The following KCNH1 variants were observed in gnomAD, a reference collection of about 807,000 sequenced individuals.
KCNH1 encodes the protein potassium voltage-gated channel subfamily H member 1.
Under a neutral mutation model 69.2 loss-of-function variants are expected in KCNH1, and 27 were observed. The observed-to-expected ratio is 0.39, with a 90% CI of 0.29 to 0.54. The LOEUF is 0.54. KCNH1 is among the 20% of genes least tolerant of loss of function. KCNH1 has a pLI of 0.68. For synonymous variants in KCNH1, 456 were observed against 487.7 expected (o/e 0.93, Z 0.86); for missense variants, 798 against 1,261.6 (o/e 0.63, Z 5.57).
intron 6 of KCNH1, among the ~76,000 whole-genome samples, chr1:210,927,653 GA>G (rs1193216813): frequency 5.3e-5 from 8 of 151,172 alleles, no homozygotes; most frequent in Non-Finnish European, 1.0e-4. Context: ...GTAACACAAT[GA>G]AAAAAAAGAT....
chr1:210,918,196 G>A (rs1687386854), intron 7 of KCNH1, among the ~76,000 whole-genome samples: 1 of 152,172 alleles, frequency 6.6e-6, no homozygotes, highest in African/African-American at 2.4e-5. Context: ...TCACAAAGCG[G>A]GATGCTGAAT....
In KCNH1 at chr1:210,816,060, G is replaced by A. The variant is rs1223614170; in HGVS notation, c.1463-11894C>T. Among the ~76,000 whole-genome samples the A allele has an allele frequency of 3.9e-5, 6 of 152,218 alleles. No homozygotes were observed. The East Asian group carries it at 1.2e-3, about 29-fold the overall frequency. On this transcript the variant is annotated intron_variant, in intron 7 of 10. Transcript: ENST00000271751. ...TTGTTAATCAGACTCTGCAAGCGGC[G>A]AGCGATTAACCTGCATTTCGGTTAC...
chr1:211,085,408 AT>A (rs918811725), intron 4 of KCNH1, among the ~76,000 whole-genome samples: 4 of 152,028 alleles, frequency 2.6e-5, no homozygotes, highest in Non-Finnish European at 5.9e-5. Flanking sequence ...AGGACTTTAA[AT>A]TTGGTGAGGA....
chr1:210,762,672 G>C (rs1301481131), intron 10 of KCNH1, among the ~76,000 whole-genome samples: 1 of 151,978 alleles, frequency 6.6e-6, no homozygotes, highest in Admixed American at 6.5e-5. Flanking sequence ...GATTGAATCA[G>C]GAAGAAAAAG....
chr1:211,067,515 C>A (rs2102454617), intron 5 of KCNH1, among the ~76,000 whole-genome samples: 1 of 152,332 alleles, frequency 6.6e-6, no homozygotes, highest in African/African-American at 2.4e-5. Flanking sequence ...CCTGATACTA[C>A]CCCTGCCCAG....
chr1:210,763,662 A>G (rs1002625043), intron 10 of KCNH1, among the ~76,000 whole-genome samples: 1 of 152,142 alleles, frequency 6.6e-6, no homozygotes, highest in African/African-American at 2.4e-5. Context: ...CTAACCAAGC[A>G]AGTAAAAGAC....
Position 210,820,363 on chromosome 1 carries a change from C to T in KCNH1, c.1463-16197G>A, listed in dbSNP as rs117119149. On this transcript the variant is annotated intron_variant, in intron 7 of 10. Transcript: ENST00000271751. ...GTAGAAGGAACTTTGTGGCCGGGTG[C>T]GGTGGGTCATGTCTGTAATCCCAGC... Among the ~76,000 whole-genome samples, 199 of 152,136 alleles carry T rather than the reference C, an allele frequency of 1.3e-3. 1 individual carries two copies. The East Asian group carries it at 0.018, about 14-fold the overall frequency.
chr1:210,755,269 G>C (rs1479828899), intron 10 of KCNH1, among the ~76,000 whole-genome samples: 2 of 152,194 alleles, frequency 1.3e-5, no homozygotes, highest in Admixed American at 6.5e-5. Flanking sequence ...TACTTATAGA[G>C]AGAATCCAAG....
intron 5 of KCNH1, among the ~76,000 whole-genome samples, chr1:211,031,036 C>A (rs181911875): frequency 1.3e-5 from 2 of 151,930 alleles, no homozygotes; most frequent in African/African-American, 4.8e-5. Context: ...AGCTACACTG[C>A]GATATTACTA....
chr1:210,702,514 T>C (rs1681807054), intron 10 of KCNH1, among the ~76,000 whole-genome samples: 1 of 152,226 alleles, frequency 6.6e-6, no homozygotes, highest in African/African-American at 2.4e-5. Flanking sequence ...TCAAAAGCTC[T>C]TTGCTTCTTT....
chr1:211,054,148 G>A (rs1690260715), intron 5 of KCNH1, among the ~76,000 whole-genome samples: 1 of 151,922 alleles, frequency 6.6e-6, no homozygotes, highest in Admixed American at 6.6e-5. Context: ...TGGGCGTGGT[G>A]GTGCATACCT....
intron 6 of KCNH1, among the ~76,000 whole-genome samples, chr1:211,018,137 C>G (rs971384793): frequency 6.6e-6 from 1 of 152,130 alleles, no homozygotes; most frequent in African/African-American, 2.4e-5. Context: ...CTAAATCTTC[C>G]AGCCATCAGA....
At chr1:210,817,152 A>C (rs1386961772) in intron 7 of KCNH1, among the ~76,000 whole-genome samples, 1 of 152,136 alleles carries the variant, frequency 6.6e-6, no homozygotes, top group African/African-American at 2.4e-5. Context: ...CCTCCAAAAT[A>C]ATAATTACCC....
chr1:211,097,015 C>T (rs1443550575), intron 3 of KCNH1, among the ~76,000 whole-genome samples: 2 of 152,158 alleles, frequency 1.3e-5, no homozygotes, highest in Non-Finnish European at 2.9e-5. Flanking sequence ...ATTCCCATTT[C>T]AAATGTGGGG....
chr1:211,063,628 C>T (rs2102451698), intron 5 of KCNH1: 1 of 152,238 alleles, frequency 6.6e-6, no homozygotes, highest in South Asian at 2.1e-4. Context: ...GTAGTTCTGG[C>T]TACTCAGGAG....
intron 7 of KCNH1, among the ~76,000 whole-genome samples, chr1:210,908,807 T>A (rs893307053): frequency 2.0e-5 from 3 of 152,132 alleles, no homozygotes; most frequent in Admixed American, 2.0e-4. Flanking sequence ...CAGTTCTGTT[T>A]CCCATCTCTT....
intron 5 of KCNH1, among the ~76,000 whole-genome samples, chr1:211,039,748 C>A (rs986401239): frequency 2.6e-5 from 4 of 152,198 alleles, no homozygotes; most frequent in Non-Finnish European, 5.9e-5. Flanking sequence ...CCATTTGGAA[C>A]AGCTGCATTT....
intron 7 of KCNH1, among the ~76,000 whole-genome samples, chr1:210,896,289 G>A (rs530129748): frequency 5.9e-5 from 9 of 151,650 alleles, no homozygotes; most frequent in Admixed American, 2.6e-4. Context: ...ATCAATGTAC[G>A]GGATCTTTAA....
rs1005516555 is a variant in KCNH1, at chr1:210,774,394, T to G, written c.2112+954A>C. Reference sequence around the variant, plus strand: ...AAGTACTGACTTAGAGTTGAGCGCTTAGGCAGAACCAACAGGATCTGTTGA... The same window carrying G: ...AAGTACTGACTTAGAGTTGAGCGCTGAGGCAGAACCAACAGGATCTGTTGA... On this transcript the variant is annotated intron_variant, in intron 10 of 10. Coordinates refer to ENST00000271751, the MANE Select transcript of KCNH1 (RefSeq NM_172362.3). Among the ~76,000 whole-genome samples, 9 of 152,026 alleles carry G rather than the reference T, an allele frequency of 5.9e-5. No individual in the cohort carries two copies. In the South Asian group the frequency reaches 8.3e-4, roughly 14 times the overall value.
Sources: gnomAD v4.1 joint callset for allele counts (sites outside exome capture counted in the v4.1 genomes callset) on GRCh38, gnomAD v4.1.1 for gene constraint, MANE v1.5 for transcripts, NCBI Gene and HGNC (gene_info 2026-07-23, HGNC 2026-07-21) for gene names.